Variants in LAPTM4A observed in about 807,000 individuals in gnomAD.
LAPTM4A encodes lysosomal protein transmembrane 4 alpha.
A neutral mutation model predicts 29.9 loss-of-function variants in LAPTM4A; 19 were observed. That is an observed-to-expected ratio of 0.64 (90% CI 0.44 to 0.93). The LOEUF is 0.93. LAPTM4A is among the 40% of genes least tolerant of loss of function. LAPTM4A has a pLI of 0.00. For missense variants in LAPTM4A, 293 were observed against 288.5 expected (o/e 1.02, Z -0.11); for synonymous variants, 105 against 102.1 (o/e 1.03, Z -0.17).
intron 1 of LAPTM4A, among the ~76,000 whole-genome samples, chr2:20,045,130 T>C (rs1372364275): frequency 6.6e-6 from 1 of 152,240 alleles, no homozygotes; most frequent in Non-Finnish European, 1.5e-5. Flanking sequence ...TTAAAGTTGA[T>C]ATTTCTAAAT....
chr2:20,038,682 T>C (rs1452869120), intron 2 of LAPTM4A, among the ~76,000 whole-genome samples: 1 of 151,982 alleles, frequency 6.6e-6, no homozygotes. Flanking sequence ...GGGCAGAGAT[T>C]AAGAAACTGG....
At position 20,033,199 on chromosome 2, in the gene LAPTM4A, A is replaced by G. The variant is rs767175908; in HGVS notation, c.*6T>C. 1.2e-6 allele frequency: 2 copies of G among 1,612,590 alleles called. No individual in the cohort carries two copies. Among genetic ancestry groups the G allele is most frequent in the South Asian group, 1.1e-5 (1 of 91,062 alleles). The stretch of plus-strand genomic sequence containing the variant: ...TATAGGATTTATTGTCAAAGGCAGA[A>G]TTTCTTCAGGCAGGTAAGTAAGGAG... On this transcript the variant is annotated 3_prime_UTR_variant, in exon 7 of 7. Transcript: ENST00000175091.
At chr2:20,047,491 C>G (rs1673954519) in intron 1 of LAPTM4A, among the ~76,000 whole-genome samples, 1 of 146,812 alleles carries the variant, frequency 6.8e-6, no homozygotes, top group Non-Finnish European at 1.5e-5. Context: ...GAGATCGAGA[C>G]CATCCTGGCT....
In LAPTM4A at chr2:20,040,980, G is replaced by A; in HGVS notation, c.143C>T (p.Thr48Ile). ...GGAGTTTGGATGAGTCACTTCCACAGTCAGCAAAATTGCCATCAATAGGTT... is the reference window on the plus strand; with the variant it reads ...GGAGTTTGGATGAGTCACTTCCACAATCAGCAAAATTGCCATCAATAGGTT... ...VVNLLMAILL[T>I]VEVTHPNSMP... The change falls in exon 2 of 7, where the codon ACT becomes ATT. Residue 48 changes from threonine to isoleucine, a missense_variant. Coordinates refer to ENST00000175091, the MANE Select transcript of LAPTM4A (RefSeq NM_014713.5). The A allele has an allele frequency of 6.2e-7, 1 of 1,613,552 alleles. No homozygotes were observed. Among genetic ancestry groups the A allele is most frequent in the African/African-American group, 1.3e-5 (1 of 75,030 alleles).
chr2:20,038,234 G>A (rs959827646), intron 2 of LAPTM4A, among the ~76,000 whole-genome samples: 7 of 152,086 alleles, frequency 4.6e-5, no homozygotes, highest in Non-Finnish European at 1.0e-4. Flanking sequence ...CCTGCACCCT[G>A]GTATCTATGT....
At position 20,032,946 on chromosome 2, in the gene LAPTM4A, A is replaced by G. The variant is rs1268707111; in HGVS notation, c.*259T>C. 2.0e-5 allele frequency: 9 copies of G among 450,296 alleles called. No homozygotes were observed. Among genetic ancestry groups the G allele is most frequent in the Non-Finnish European group, 3.2e-5 (8 of 252,302 alleles). The allele number at this position is 450,296 out of a possible 1,614,324, so 27.9% of individuals were successfully genotyped here. ...ACCCTCTTTCCCTTCCCACCCCCCAATTAAAGGCAAACAATGGCACTTTGC... is the reference window on the plus strand; with the variant it reads ...ACCCTCTTTCCCTTCCCACCCCCCAGTTAAAGGCAAACAATGGCACTTTGC... On this transcript the variant is annotated 3_prime_UTR_variant, in exon 7 of 7. Coordinates refer to ENST00000175091, the MANE Select transcript of LAPTM4A (RefSeq NM_014713.5).
chr2:20,049,131 C>T (rs928828014), intron 1 of LAPTM4A, among the ~76,000 whole-genome samples: 1 of 152,190 alleles, frequency 6.6e-6, no homozygotes, highest in Non-Finnish European at 1.5e-5. Context: ...CCATAAATAT[C>T]TTAAGGGCAG....
At chr2:20,051,336 C>T (rs1475803789) in intron 1 of LAPTM4A, 74 bp downstream of exon 1, 5 of 905,330 alleles carry the variant, frequency 5.5e-6, no homozygotes, top group Non-Finnish European at 8.9e-6. Flanking sequence ...ACCCCGTTTC[C>T]AGTCTCACCC....
chr2:20,043,305 C>T (rs1358132203), intron 1 of LAPTM4A, among the ~76,000 whole-genome samples: 1 of 151,086 alleles, frequency 6.6e-6, no homozygotes, highest in Non-Finnish European at 1.5e-5. Context: ...GCTTCCACCT[C>T]TTGGGTTCAG....
At position 20,051,436 on chromosome 2, in the gene LAPTM4A, T is replaced by A. The variant is rs748362959; in HGVS notation, c.85A>T (p.Thr29Ser). 65 of 1,613,044 alleles carry A rather than the reference T, an allele frequency of 4.0e-5. No individual in the cohort carries two copies. The highest frequency in any genetic ancestry group is 5.3e-5 in the Non-Finnish European group (63 of 1,179,430). The change falls in exon 1 of 7, where the codon ACG (threonine) becomes TCG (serine). Residue 29 changes from threonine (T) to serine (S), a missense_variant. Physicochemically the swap from Thr to Ser is moderately conservative, Grantham distance 58. Transcript: ENST00000175091. ...ATGTACCAGGTCCCCAGGATGATCG[T>A]CCCGGTGCGGACATGGCAACAGCCG... Reference protein sequence around the residue: ...CCGCCHVRTGTIILGTWYMVV... With the variant: ...CCGCCHVRTGSIILGTWYMVV...
chr2:20,035,313 C>A, intron 4 of LAPTM4A: 1 of 426,918 alleles, frequency 2.3e-6, no homozygotes, highest in East Asian at 4.3e-5. Context: ...CTCGTTTTCT[C>A]TTTACTTTTC....
In LAPTM4A at chr2:20,051,521, C is replaced by A. The variant is rs765467928; in HGVS notation, c.-1G>T. 5.6e-5 allele frequency: 89 copies of A among 1,584,626 alleles called. No individual in the cohort carries two copies. Among genetic ancestry groups the A allele is most frequent in the Admixed American group, 8.6e-5 (5 of 57,950 alleles). The stretch of plus-strand genomic sequence containing the variant: ...TCCGCTTGAAACTCATGGACACCAT[C>A]GTAACAGGCGGGCCTCCTTCTTGGC... On this transcript the variant is annotated 5_prime_UTR_variant, in exon 1 of 7. Transcript: ENST00000175091.
intron 1 of LAPTM4A, among the ~76,000 whole-genome samples, chr2:20,046,237 A>G (rs1042613442): frequency 6.6e-6 from 1 of 152,146 alleles, no homozygotes; most frequent in African/African-American, 2.4e-5. Context: ...ATTAGGAGAA[A>G]TAACTAATGT....
chr2:20,043,524 T>C (rs1416121720), intron 1 of LAPTM4A, among the ~76,000 whole-genome samples: 1 of 152,204 alleles, frequency 6.6e-6, no homozygotes, highest in African/African-American at 2.4e-5. Context: ...CAGCTATCGA[T>C]AGTATTTTAA....
intron 2 of LAPTM4A, 134 bp downstream of exon 2, chr2:20,040,757 G>T: frequency 1.2e-6 from 1 of 846,576 alleles, no homozygotes; most frequent in Non-Finnish European, 1.9e-6. Flanking sequence ...GTTTGTGTAA[G>T]TACACCCTAT....
intron 1 of LAPTM4A, among the ~76,000 whole-genome samples, chr2:20,050,303 A>T (rs1291055110): frequency 6.6e-6 from 1 of 152,214 alleles, no homozygotes; most frequent in East Asian, 1.9e-4. Context: ...AATGCTTACT[A>T]ATGATTTCAA....
Position 20,040,877 on chromosome 2 carries a change from T to C in LAPTM4A, c.232+14A>G. 1.2e-6 allele frequency: 2 copies of C among 1,611,730 alleles called. No homozygotes were observed. Among genetic ancestry groups the C allele is most frequent in the African/African-American group, 1.3e-5 (1 of 74,968 alleles). ...AGCAGGGGAGATTTTTTTGTTTTTCTATTAAACACATACCAGCCATTCTCT... is the reference window on the plus strand; with the variant it reads ...AGCAGGGGAGATTTTTTTGTTTTTCCATTAAACACATACCAGCCATTCTCT... On this transcript the variant is annotated intron_variant, in intron 2 of 6. Transcript: ENST00000175091.
intron 2 of LAPTM4A, 35 bp downstream of exon 2, chr2:20,040,856 G>A (rs1673780731): frequency 1.3e-6 from 2 of 1,596,352 alleles, no homozygotes; most frequent in South Asian, 1.1e-5. Flanking sequence ...AAAATTAGCA[G>A]GGGAGATTTT....
At chr2:20,045,453 AC>A (rs1673896971) in intron 1 of LAPTM4A, among the ~76,000 whole-genome samples, 1 of 147,070 alleles carries the variant, frequency 6.8e-6, no homozygotes, top group African/African-American at 2.6e-5. Flanking sequence ...ACATAGCAAG[AC>A]CCCATCTCTT....
Sources: allele counts gnomAD v4.1 joint callset (sites outside exome capture counted in the v4.1 genomes callset), GRCh38; gene constraint gnomAD v4.1.1; transcripts MANE v1.5; gene names NCBI Gene and HGNC (gene_info 2026-07-23, HGNC 2026-07-21).